C6orf89: variants seen among roughly 807,000 people sequenced by gnomAD.
C6orf89 encodes chromosome 6 open reading frame 89, also known as bombesin receptor-activated protein C6orf89.
In C6orf89, 29 loss-of-function variants were observed where a neutral mutation model predicts 40.7. The ratio of observed to expected loss-of-function variants is 0.71; its 90% confidence interval spans 0.53 to 0.97. The LOEUF is 0.97. Among genes scored for constraint, C6orf89 ranks in the 50% least tolerant of loss-of-function variants. C6orf89 has a pLI of 0.00. For missense variants in C6orf89, 392 were observed against 429.1 expected (o/e 0.91, Z 0.76); for synonymous variants, 165 against 152.2 (o/e 1.08, Z -0.62).
intron 2 of C6orf89, among the ~76,000 whole-genome samples, chr6:36,897,954 A>G (rs1234329412): frequency 6.6e-6 from 1 of 152,232 alleles, no homozygotes; most frequent in African/African-American, 2.4e-5. Context: ...AAATAAATAT[A>G]TAAATAAATA....
chr6:36,874,078 T>C (rs1395781053), intron 1 of C6orf89, among the ~76,000 whole-genome samples: 1 of 152,198 alleles, frequency 6.6e-6, no homozygotes, highest in Non-Finnish European at 1.5e-5. Context: ...TTACTAGCTG[T>C]GTGGCTTTGG....
intron 1 of C6orf89, among the ~76,000 whole-genome samples, chr6:36,874,058 G>T (rs1353914592): frequency 1.3e-5 from 2 of 152,160 alleles, no homozygotes; most frequent in African/African-American, 4.8e-5. Flanking sequence ...TCCAAACGAG[G>T]TTCTTCCAGT....
rs199892985 is a variant in C6orf89 at position 36,877,349 on chromosome 6, T to G, written c.-627-1659T>G. Among the ~76,000 whole-genome samples, 41 of 152,282 alleles carry G rather than the reference T, an allele frequency of 2.7e-4. No individual in the cohort carries two copies. The East Asian group carries it at 7.7e-3, about 29-fold the overall frequency. The stretch of plus-strand genomic sequence containing the variant: ...GCTGTAGCAATTTTTTGTTTTTTTT[T>G]GAGACACAATCTCACTCTGTCGCCA... On this transcript the variant is annotated intron_variant, in intron 1 of 9. Transcript: ENST00000359359.
At chr6:36,902,871 G>A (rs112926843) in intron 4 of C6orf89, among the ~76,000 whole-genome samples, 5 of 152,282 alleles carry the variant, frequency 3.3e-5, no homozygotes, top group African/African-American at 1.2e-4. Context: ...ATTGGGCTAG[G>A]TTTTTGTCTG....
chr6:36,901,861 C>T (rs550271544), intron 3 of C6orf89, among the ~76,000 whole-genome samples: 3 of 151,044 alleles, frequency 2.0e-5, no homozygotes, highest in South Asian at 2.1e-4. Flanking sequence ...TTAGTAGAGA[C>T]GGGGTTTCAC....
intron 4 of C6orf89, among the ~76,000 whole-genome samples, chr6:36,910,957 T>C (rs1762104532): frequency 6.6e-6 from 1 of 152,210 alleles, no homozygotes; most frequent in African/African-American, 2.4e-5. Context: ...CTGTATCTTG[T>C]ATTCTGTCAC....
rs1583169918 is a variant in C6orf89, at chr6:36,900,927, A to G, written c.189+1294A>G. Among the ~76,000 whole-genome samples the G allele has an allele frequency of 3.3e-5, 5 of 151,438 alleles. No homozygotes were observed. The South Asian group carries it at 1.0e-3, about 32-fold the overall frequency. On this transcript the variant is annotated intron_variant, in intron 3 of 8. Transcript: ENST00000480824. ...AATGGTGTGATCTTGGCTCAGTGCA[A>G]CCTCCGCCTCCCAGGTTCAAGCAAT... is the stretch of plus-strand genomic sequence containing the variant.
At position 36,877,084 on chromosome 6, in the gene C6orf89, C is replaced by T. The variant is rs1187668686; in HGVS notation, c.-627-1924C>T. On this transcript the variant is annotated intron_variant, in intron 1 of 9. Coordinates refer to the C6orf89 transcript ENST00000359359. Reference sequence around the variant, plus strand: ...TTTGTGCCTGGCTTCCTTTCCTTAACAATATGTTTGTGAGATGTATTCATG... The same window carrying T: ...TTTGTGCCTGGCTTCCTTTCCTTAATAATATGTTTGTGAGATGTATTCATG... Among the ~76,000 whole-genome samples, 2 of 152,116 alleles carry T rather than the reference C, an allele frequency of 1.3e-5. 1 individual carries two copies. The highest frequency in any genetic ancestry group is 1.3e-4 in the Admixed American group (2 of 15,266).
intron 1 of C6orf89, among the ~76,000 whole-genome samples, chr6:36,887,089 A>G (rs1161531196): frequency 6.6e-6 from 1 of 151,112 alleles, no homozygotes; most frequent in Admixed American, 6.6e-5. Context: ...TTAAACCCTC[A>G]TCACATTGTT....
In C6orf89 at chr6:36,916,445, G is replaced by C; in HGVS notation, c.696G>C (p.Trp232Cys). Reference sequence around the variant, plus strand: ...TTTTTTCTGTTTCATACTTCTACAGGAGGAGACCTCTGAACAGATCACAAA... The same window carrying C: ...TTTTTTCTGTTTCATACTTCTACAGCAGGAGACCTCTGAACAGATCACAAA... ...PERWFPFPYP[W>C]RRPLNRSQML... Residue 232 changes from tryptophan (W) to cysteine (C), a missense_variant and splice_region_variant, in exon 7 of 9, where the codon TGG becomes TGC. Transcript: ENST00000480824. 1 of 1,614,072 alleles carries C rather than the reference G, an allele frequency of 6.2e-7. No homozygotes were observed. The highest frequency in any genetic ancestry group is 8.5e-7 in the Non-Finnish European group (1 of 1,179,978).
rs918097440 is a variant in C6orf89, at chr6:36,925,612, TA to T, written c.*2172del. 30 of 152,338 alleles carry T rather than the reference TA, an allele frequency of 2.0e-4. No homozygotes were observed. The highest frequency in any genetic ancestry group is 7.0e-4 in the African/African-American group (29 of 41,588). The allele number at this position is 152,338 out of a possible 1,614,324, so 9.4% of individuals were successfully genotyped here. On this transcript the variant is annotated 3_prime_UTR_variant, in exon 9 of 9. Coordinates refer to ENST00000480824, the MANE Select transcript of C6orf89 (RefSeq NM_001286635.2). ...TTCAGACTTGAATGTAAACTTGTAT[TA>T]GGGGAAAATTCTCCAAAGAGGGTTT...
At position 36,923,379 on chromosome 6, in the gene C6orf89, G is replaced by A. The variant is rs140792349; in HGVS notation, c.982G>A (p.Val328Ile). The A allele has an allele frequency of 2.0e-5, 33 of 1,614,006 alleles. No homozygotes were observed. Among genetic ancestry groups the A allele is most frequent in the Admixed American group, 3.3e-5 (2 of 60,014 alleles). Residue 328 changes from valine to isoleucine, a missense_variant, in exon 9 of 9, where the codon GTT (valine) becomes ATT (isoleucine). By Grantham distance (29) the Val-to-Ile change is conservative (BLOSUM62 3). Coordinates refer to ENST00000480824, the MANE Select transcript of C6orf89 (RefSeq NM_001286635.2). Reference protein sequence around the residue: ...YVDTTHWKVYVIARGVQPLVI... With the variant: ...YVDTTHWKVYIIARGVQPLVI... The stretch of plus-strand genomic sequence containing the variant: ...CGACACCACCCACTGGAAGGTCTAC[G>A]TTATAGCCAGAGGGGTCCAGCCTTT...
chr6:36,912,917 A>G (rs984817039), intron 4 of C6orf89, among the ~76,000 whole-genome samples: 2 of 152,186 alleles, frequency 1.3e-5, no homozygotes, highest in African/African-American at 2.4e-5. Flanking sequence ...GTTTCCAAGT[A>G]TGTTTATTGG....
chr6:36,905,939 G>C (rs1467493264), intron 4 of C6orf89, among the ~76,000 whole-genome samples: 1 of 152,192 alleles, frequency 6.6e-6, no homozygotes, highest in Admixed American at 6.5e-5. Context: ...TTCTGTCCAA[G>C]ATATCACACT....
intron 7 of C6orf89, among the ~76,000 whole-genome samples, chr6:36,917,983 T>C (rs990153696): frequency 4.6e-5 from 7 of 152,234 alleles, no homozygotes; most frequent in African/African-American, 1.4e-4. Context: ...GGCAAAACTC[T>C]TGAGAACCCA....
At chr6:36,885,222 G>A (rs941252205), upstream of C6orf89, among the ~76,000 whole-genome samples, 1 of 152,144 alleles carries the variant, frequency 6.6e-6, no homozygotes, top group South Asian at 2.1e-4. Flanking sequence ...CAATCCCAGC[G>A]GCCATACTTC....
Position 36,920,591 on chromosome 6 carries a change from C to A in C6orf89, c.949+890C>A, listed in dbSNP as rs537975207. Among the ~76,000 whole-genome samples, 15 of 152,140 alleles carry A rather than the reference C, an allele frequency of 9.9e-5. No homozygotes were observed. The South Asian group carries it at 3.1e-3, about 32-fold the overall frequency. On this transcript the variant is annotated intron_variant, in intron 8 of 8. Coordinates refer to ENST00000480824, the MANE Select transcript of C6orf89 (RefSeq NM_001286635.2). ...GGTAGGAATTGGACTGCAAGCTATG[C>A]CAAGTCTTAATTTAGGTTACATAAC...
intron 1 of C6orf89, among the ~76,000 whole-genome samples, chr6:36,877,182 A>G (rs905538119): frequency 1.3e-5 from 2 of 152,212 alleles, no homozygotes; most frequent in African/African-American, 4.8e-5. Context: ...CACAATGTAT[A>G]ATGGTGCTGC....
In C6orf89 at chr6:36,926,181, T is replaced by C. The variant is rs1762668294; in HGVS notation, c.*2740T>C. Reference sequence around the variant, plus strand: ...GAATGGATACCATACTTATTATGGTTGATGAAAAAAGGCAGAGCTTATCCT... The same window carrying C: ...GAATGGATACCATACTTATTATGGTCGATGAAAAAAGGCAGAGCTTATCCT... On this transcript the variant is annotated 3_prime_UTR_variant, in exon 9 of 9. Transcript: ENST00000480824. The C allele has an allele frequency of 6.6e-6, 1 of 152,104 alleles. No homozygotes were observed. The highest frequency in any genetic ancestry group is 1.5e-5 in the Non-Finnish European group (1 of 68,004). 9.4% of individuals were successfully genotyped at this position (152,104 alleles called of 1,614,324 possible).
Sources: allele counts gnomAD v4.1 joint callset (sites outside exome capture counted in the v4.1 genomes callset), GRCh38; gene constraint gnomAD v4.1.1; transcripts MANE v1.5; gene names NCBI Gene and HGNC (gene_info 2026-07-23, HGNC 2026-07-21).